The following LCP2 variants were observed in gnomAD, a reference collection of about 807,000 sequenced individuals.
LCP2 encodes lymphocyte cytosolic protein 2.
Under a neutral mutation model 74.5 loss-of-function variants are expected in LCP2, and 29 were observed. The observed-to-expected ratio is 0.39, with a 90% CI of 0.29 to 0.53. The LOEUF is 0.53. LCP2 is among the 20% of genes least tolerant of loss of function. The pLI, the probability that LCP2 is intolerant of heterozygous loss-of-function variation, is 0.72. For missense variants in LCP2, 604 were observed against 634.6 expected, an observed-to-expected ratio of 0.95 and a Z score of 0.52; for synonymous variants, 228 against 229.5, an observed-to-expected ratio of 0.99 and a Z score of 0.06.
In LCP2 at chr5:170,262,705, G is replaced by A. The variant is rs901726564; in HGVS notation, c.856C>T (p.Pro286Ser). ...GEHLPKIQKP[P>S]LPPTTERHER... Reference sequence around the variant, plus strand: ...TGTCTTTCCGTGGTCGGTGGTAAAGGAGGCTTTTGAATCTTGGGTAAATGC... The same window carrying A: ...TGTCTTTCCGTGGTCGGTGGTAAAGAAGGCTTTTGAATCTTGGGTAAATGC... The change falls in exon 13 of 21, where the codon CCT (proline) becomes TCT (serine). Residue 286 changes from proline (P) to serine (S), a missense_variant. Coordinates refer to ENST00000046794, the MANE Select transcript of LCP2 (RefSeq NM_005565.5). 3 of 1,613,894 alleles carry A rather than the reference G, an allele frequency of 1.9e-6. No individual in the cohort carries two copies. The highest frequency in any genetic ancestry group is 1.3e-5 in the African/African-American group (1 of 74,934).
intron 16 of LCP2, 25 bp downstream of exon 16, chr5:170,258,012 A>G (rs1761587890): frequency 1.9e-6 from 3 of 1,611,672 alleles, no homozygotes; most frequent in African/African-American, 2.7e-5. Flanking sequence ...ATATTAAGCT[A>G]GAATTTCATG....
chr5:170,246,287 T>G lies in LCP2; in HGVS notation c.*2410A>C. The G allele has an allele frequency of 3.7e-6, 2 of 539,676 alleles. No individual in the cohort carries two copies. Among genetic ancestry groups the G allele is most frequent in the South Asian group, 5.6e-5 (2 of 35,454 alleles). The allele number at this position is 539,676 out of a possible 1,614,324, so 33.4% of individuals were successfully genotyped here. On this transcript the variant is annotated 3_prime_UTR_variant, in exon 21 of 21. Transcript: ENST00000046794. The stretch of plus-strand genomic sequence containing the variant: ...TGAAGAATGGCTTAACTTACGTCAC[T>G]AATGGCAAGTGTATGACATAGGAAA...
chr5:170,255,529 A>G (rs1366511185), intron 17 of LCP2, among the ~76,000 whole-genome samples: 2 of 152,164 alleles, frequency 1.3e-5, no homozygotes, highest in Non-Finnish European at 2.9e-5. Flanking sequence ...TTTTCTTGAG[A>G]AAAAAATTGG....
At chr5:170,277,294 C>CTCTATGATCCCT (rs1762023641) in intron 3 of LCP2, among the ~76,000 whole-genome samples, 1 of 152,064 alleles carries the variant, frequency 6.6e-6, no homozygotes, top group African/African-American at 2.4e-5. Context: ...CCTATGAGAA[C>CTCTATGATCCCT]GGCTCATGAT....
chr5:170,290,227 G>A (rs1410800801), intron 2 of LCP2, among the ~76,000 whole-genome samples: 1 of 152,138 alleles, frequency 6.6e-6, no homozygotes, highest in African/African-American at 2.4e-5. Flanking sequence ...TATGCTGTGG[G>A]TGTTGAGAAG....
In LCP2 at chr5:170,268,440, G is replaced by C. The variant is rs748460387; in HGVS notation, c.566C>G (p.Pro189Arg). ...GAGGGCGGCCATCGGTCTCTGGGGG[G>C]GCACAGGAGGCTGCTGGGGGGTTTT... ...SGKTPQQPPV[P>R]PQRPMAALPP... Residue 189 changes from proline (P) to arginine (R), a missense_variant, in exon 8 of 21, where the codon CCC becomes CGC. By Grantham distance (103) the Pro-to-Arg change is moderately radical. Coordinates refer to ENST00000046794, the MANE Select transcript of LCP2 (RefSeq NM_005565.5). 2 of 416,654 alleles carry C rather than the reference G, an allele frequency of 4.8e-6. No homozygotes were observed. The highest frequency in any genetic ancestry group is 1.3e-4 in the South Asian group (2 of 15,566). The allele number at this position is 416,654 out of a possible 1,614,324, so 25.8% of individuals were successfully genotyped here. A position where few individuals can be genotyped will look rare whatever the true frequency, so the allele number is the denominator to read the frequency against.
At chr5:170,263,031 A>T in intron 10 of LCP2, 39 bp from the exon 11 acceptor site, 1 of 1,610,328 alleles carries the variant, frequency 6.2e-7, no homozygotes, top group East Asian at 2.2e-5. Context: ...TGAGTTCAGA[A>T]CTTCATAAGC....
chr5:170,266,938 G>T (rs1313823893), intron 9 of LCP2, 47 bp from the exon 10 acceptor site: 2 of 1,609,370 alleles, frequency 1.2e-6, no homozygotes, highest in African/African-American at 2.7e-5. Context: ...AAAGCAGTCG[G>T]CTGGGGGTTG....
rs1554141402 is a variant in LCP2 at position 170,289,611 on chromosome 5, C to CTT, written c.142-1597_142-1596dup. ...ACTCCTTTTCTTTCTTTCTTTCTTTCTTTCTTTTTCTTTCTTTCTTTCTTT... is the reference window on the plus strand; with the variant it reads ...ACTCCTTTTCTTTCTTTCTTTCTTTCTTTTTCTTTTTCTTTCTTTCTTTCTTT... On this transcript the variant is annotated intron_variant, in intron 2 of 20. Transcript: ENST00000046794. Among the ~76,000 whole-genome samples, 419 of 143,590 alleles carry CTT rather than the reference C, an allele frequency of 2.9e-3. 1 individual carries two copies. Among genetic ancestry groups the CTT allele is most frequent in the Non-Finnish European group, 4.1e-3 (272 of 66,012 alleles). The allele number at this position is 143,590 out of a possible 152,430, so 94.2% of individuals were successfully genotyped here. A position where few individuals can be genotyped will look rare whatever the true frequency, so the allele number is the denominator to read the frequency against.
At position 170,268,441 on chromosome 5, in the gene LCP2, G is replaced by T; in HGVS notation, c.565C>A (p.Pro189Thr). 2 of 393,756 alleles carry T rather than the reference G, an allele frequency of 5.1e-6. No individual in the cohort carries two copies. The highest frequency in any genetic ancestry group is 7.5e-6 in the Non-Finnish European group (2 of 265,058). 24.4% of individuals were successfully genotyped at this position (393,756 alleles called of 1,614,324 possible). The change falls in exon 8 of 21, where the codon CCC becomes ACC. Residue 189 changes from proline to threonine, a missense_variant. Coordinates refer to ENST00000046794, the MANE Select transcript of LCP2 (RefSeq NM_005565.5). ...AGGGCGGCCATCGGTCTCTGGGGGG[G>T]CACAGGAGGCTGCTGGGGGGTTTTC... is the stretch of plus-strand genomic sequence containing the variant. ...SGKTPQQPPV[P>T]PQRPMAALPP...
chr5:170,287,643 G>A, intron 3 of LCP2: 1 of 372,286 alleles, frequency 2.7e-6, no homozygotes, highest in Non-Finnish European at 5.1e-6. Flanking sequence ...CTGAGTCAGT[G>A]GTGATGCCAT....
chr5:170,249,018 C>A (rs1761364189), intron 20 of LCP2, among the ~76,000 whole-genome samples, 199 bp from the exon 21 acceptor site: 1 of 152,068 alleles, frequency 6.6e-6, no homozygotes, highest in Non-Finnish European at 1.5e-5. Flanking sequence ...ATCCAACAAA[C>A]CATAGATAAA....
chr5:170,284,101 A>G (rs1233593152), intron 3 of LCP2, among the ~76,000 whole-genome samples: 2 of 152,250 alleles, frequency 1.3e-5, no homozygotes, highest in Non-Finnish European at 2.9e-5. Flanking sequence ...GTTATCTAAC[A>G]GCAGTTCATT....
chr5:170,253,119 C>A lies in LCP2; in HGVS notation c.1245G>T (p.Glu415Asp). 1 of 1,601,900 alleles carries A rather than the reference C, an allele frequency of 6.2e-7. No homozygotes were observed. The highest frequency in any genetic ancestry group is 8.5e-7 in the Non-Finnish European group (1 of 1,171,580). ...CAAAAATAAAAACATGCTCTCTTAC[C>A]TCTTCCTCCGCGGGGGATGGGGGCC... is the stretch of plus-strand genomic sequence containing the variant. Reference protein sequence around the residue: ...KPRPPSPAEEENSLNEEWYVS... With the variant: ...KPRPPSPAEEDNSLNEEWYVS... Residue 415 changes from glutamate to aspartate, a missense_variant and splice_region_variant, in exon 18 of 21, where the codon GAG becomes GAT. By Grantham distance (45) the Glu-to-Asp change is conservative (BLOSUM62 2). Transcript: ENST00000046794.
chr5:170,261,147 A>G lies in LCP2; in HGVS notation c.927-10T>C, dbSNP rs1206078693. On this transcript the variant is annotated splice_polypyrimidine_tract_variant and intron_variant, in intron 13 of 20. Coordinates refer to ENST00000046794, the MANE Select transcript of LCP2 (RefSeq NM_005565.5). ...TGGTCCCCATCCATGCCTGAAATGA[A>G]TTAGGGCAAATAAAAAGAACTGAGC... 1.9e-6 allele frequency: 3 copies of G among 1,593,674 alleles called. No individual in the cohort carries two copies. The highest frequency in any genetic ancestry group is 2.7e-5 in the African/African-American group (2 of 74,646).
intron 3 of LCP2, chr5:170,287,671 G>T: frequency 2.3e-6 from 1 of 439,940 alleles, no homozygotes; most frequent in Non-Finnish European, 4.2e-6. Flanking sequence ...CCTTGACACT[G>T]ATGCTATTTT....
intron 14 of LCP2, among the ~76,000 whole-genome samples, chr5:170,260,118 T>A (rs140553281): frequency 6.6e-6 from 1 of 152,224 alleles, no homozygotes; most frequent in South Asian, 2.1e-4. Context: ...CTCTATTCTG[T>A]GTCCTCCCTA....
intron 7 of LCP2, among the ~76,000 whole-genome samples, chr5:170,269,418 G>T (rs1466885114): frequency 1.3e-5 from 2 of 152,166 alleles, no homozygotes; most frequent in Non-Finnish European, 2.9e-5. Flanking sequence ...CAGGGAAAAG[G>T]GTAGGAGCAA....
chr5:170,274,314 C>G lies in LCP2; in HGVS notation c.311G>C (p.Gly104Ala), dbSNP rs1183184398. ...ETESHEEDNG[G>A]WSSFEEDDYE... ...CACCATACTCACAAAGGACGACCAGCCCCCATTGTCCTCTTCGTGGCTTTC... is the reference window on the plus strand; with the variant it reads ...CACCATACTCACAAAGGACGACCAGGCCCCATTGTCCTCTTCGTGGCTTTC... The change falls in exon 6 of 21, where the codon GGC becomes GCC. Residue 104 changes from glycine to alanine, a missense_variant. By Grantham distance (60) the Gly-to-Ala change is moderately conservative (BLOSUM62 0). Coordinates refer to ENST00000046794, the MANE Select transcript of LCP2 (RefSeq NM_005565.5). The G allele has an allele frequency of 6.2e-7, 1 of 1,613,296 alleles. No individual in the cohort carries two copies. The highest frequency in any genetic ancestry group is 8.5e-7 in the Non-Finnish European group (1 of 1,179,654).
Sources: allele counts gnomAD v4.1 joint callset (sites outside exome capture counted in the v4.1 genomes callset), GRCh38; gene constraint gnomAD v4.1.1; transcripts MANE v1.5; gene names NCBI Gene and HGNC (gene_info 2026-07-23, HGNC 2026-07-21).